The following AMOTL1 variants were observed in gnomAD, a reference collection of about 807,000 sequenced individuals.
AMOTL1 encodes angiomotin-like protein 1.
In AMOTL1, 45 loss-of-function variants were observed where a neutral mutation model predicts 102.9. The ratio of observed to expected loss-of-function variants is 0.44; its 90% confidence interval spans 0.34 to 0.56. The LOEUF (loss-of-function observed/expected upper bound fraction) is 0.56, where lower values mean the gene tolerates loss of function less well. Ranked by LOEUF, AMOTL1 falls within the 20% of genes least tolerant of loss-of-function variation. The pLI, the probability that AMOTL1 is intolerant of heterozygous loss-of-function variation, is 0.01. For synonymous variants in AMOTL1, 481 were observed against 484.7 expected (o/e 0.99, Z 0.10); for missense variants, 1,114 against 1,225.6 (o/e 0.91, Z 1.36).
chr11:94,804,802 C>G (rs917638009), intron 3 of AMOTL1, among the ~76,000 whole-genome samples: 4 of 152,306 alleles, frequency 2.6e-5, no homozygotes, highest in African/African-American at 9.6e-5. Flanking sequence ...TTCTAGAACT[C>G]TGTCTTCACC....
At chr11:94,797,013 A>AT in intron 2 of AMOTL1, 1 of 985,468 alleles carries the variant, frequency 1.0e-6, no homozygotes, top group African/African-American at 1.7e-5. Flanking sequence ...AGAGCAAAGG[A>AT]TAAAAAGGTC....
intron 6 of AMOTL1, among the ~76,000 whole-genome samples, chr11:94,849,109 T>C (rs548841889): frequency 6.6e-6 from 1 of 152,346 alleles, no homozygotes; most frequent in Admixed American, 6.5e-5. Flanking sequence ...TCATTTTCTA[T>C]AAATATGGAG....
intron 1 of AMOTL1, among the ~76,000 whole-genome samples, chr11:94,722,709 G>A (rs1262226866): frequency 1.3e-5 from 2 of 152,166 alleles, no homozygotes; most frequent in Non-Finnish European, 2.9e-5. Context: ...TTGGAATTCA[G>A]TGCTGCATAG....
intron 1 of AMOTL1, among the ~76,000 whole-genome samples, chr11:94,708,156 T>TC (rs1446513068): frequency 6.6e-6 from 1 of 152,090 alleles, no homozygotes; most frequent in African/African-American, 2.4e-5. Flanking sequence ...CCTTAGCTCG[T>TC]CCCCCCTGCT....
At chr11:94,859,474 G>T in intron 8 of AMOTL1, 51 bp from the exon 9 acceptor site, 1 of 1,536,424 alleles carries the variant, frequency 6.5e-7, no homozygotes. Context: ...CAGTTGTGTA[G>T]ACAGCATTGA....
chr11:94,810,172 T>TGGTA (rs997078010), intron 3 of AMOTL1, among the ~76,000 whole-genome samples: 1 of 152,304 alleles, frequency 6.6e-6, no homozygotes, highest in African/African-American at 2.4e-5. Context: ...AAGAGTCTGG[T>TGGTA]GGTACTACAG....
rs1240902296 is a variant in AMOTL1 at position 94,871,749 on chromosome 11, A to T, written c.*954A>T. On this transcript the variant is annotated 3_prime_UTR_variant, in exon 13 of 13. Transcript: ENST00000433060. ...GAGATTCCGTGGGTCCCTGTGACAT[A>T]TTGCATTAAGATCGTGGCACTTGCT... 1 of 152,196 alleles carries T rather than the reference A, an allele frequency of 6.6e-6. No individual in the cohort carries two copies. The allele number at this position is 152,196 out of a possible 1,614,324, so 9.4% of individuals were successfully genotyped here.
intron 2 of AMOTL1, among the ~76,000 whole-genome samples, chr11:94,732,347 T>C (rs11020927): frequency 0.025 from 3,734 of 152,198 alleles, 163 homozygotes; most frequent in African/African-American, 0.086. Flanking sequence ...CGGGCTGCAA[T>C]TGGGTAGGAG....
At chr11:94,737,906 AT>A (rs1950458648) in intron 2 of AMOTL1, among the ~76,000 whole-genome samples, 1 of 152,252 alleles carries the variant, frequency 6.6e-6, no homozygotes, top group Non-Finnish European at 1.5e-5. Context: ...GTAGACAATT[AT>A]TTTAATGAAT....
At chr11:94,855,795 T>C (rs985188459) in intron 8 of AMOTL1, among the ~76,000 whole-genome samples, 11 of 152,174 alleles carry the variant, frequency 7.2e-5, no homozygotes, top group African/African-American at 2.7e-4. Flanking sequence ...CCATGCACGC[T>C]CACCCACACA....
At chr11:94,765,877 T>C (rs1054134041), upstream of AMOTL1, among the ~76,000 whole-genome samples, 1 of 152,234 alleles carries the variant, frequency 6.6e-6, no homozygotes, top group Non-Finnish European at 1.5e-5. Context: ...TCTACACCTC[T>C]GTCCTCCACT....
chr11:94,870,628 C>T (rs1448695283), intron 12 of AMOTL1, 61 bp from the exon 13 acceptor site: 12 of 1,365,264 alleles, frequency 8.8e-6, no homozygotes, highest in Non-Finnish European at 1.2e-5. Flanking sequence ...TTTTAGAGAA[C>T]CTGGAAAGCC....
intron 6 of AMOTL1, among the ~76,000 whole-genome samples, chr11:94,831,965 T>A (rs1238212210): frequency 6.6e-6 from 1 of 152,216 alleles, no homozygotes; most frequent in African/African-American, 2.4e-5. Flanking sequence ...CCCTTGCCAG[T>A]GTGCAAGCCA....
intron 1 of AMOTL1, among the ~76,000 whole-genome samples, chr11:94,727,054 A>G (rs1011706828): frequency 6.6e-6 from 1 of 152,160 alleles, no homozygotes; most frequent in African/African-American, 2.4e-5. Flanking sequence ...CATCCATATC[A>G]TCTTGCAAAT....
chr11:94,819,401 C>G (rs1030460212), intron 3 of AMOTL1, among the ~76,000 whole-genome samples: 1 of 152,198 alleles, frequency 6.6e-6, no homozygotes, highest in Non-Finnish European at 1.5e-5. Context: ...CATCCCTCTG[C>G]TTACCTGAGA....
At chr11:94,737,476 C>G (rs1006600920) in intron 2 of AMOTL1, among the ~76,000 whole-genome samples, 1 of 152,206 alleles carries the variant, frequency 6.6e-6, no homozygotes, top group African/African-American at 2.4e-5. Context: ...CCTAGGGGCT[C>G]CAAGTGCATT....
At chr11:94,752,310 A>G (rs1591930142) in intron 3 of AMOTL1, among the ~76,000 whole-genome samples, 1 of 151,816 alleles carries the variant, frequency 6.6e-6, no homozygotes, top group Non-Finnish European at 1.5e-5. Flanking sequence ...TTTCCATCTT[A>G]TATTGGAATA....
chr11:94,843,003 C>T (rs945072572), intron 6 of AMOTL1, among the ~76,000 whole-genome samples: 3 of 152,200 alleles, frequency 2.0e-5, no homozygotes, highest in African/African-American at 7.2e-5. Flanking sequence ...CCTTAACCAC[C>T]CACTTGCAGC....
chr11:94,856,653 C>T (rs1426341564), intron 8 of AMOTL1, among the ~76,000 whole-genome samples: 2 of 152,188 alleles, frequency 1.3e-5, no homozygotes, highest in Non-Finnish European at 2.9e-5. Flanking sequence ...TTCTGCCGTC[C>T]ACACCACACC....
Sources: gnomAD v4.1 joint callset for allele counts (sites outside exome capture counted in the v4.1 genomes callset) on GRCh38, gnomAD v4.1.1 for gene constraint, MANE v1.5 for transcripts, NCBI Gene and HGNC (gene_info 2026-07-23, HGNC 2026-07-21) for gene names.